The following CAPN2 variants were observed in gnomAD, a reference collection of about 807,000 sequenced individuals.
CAPN2 encodes the protein calpain 2.
CAPN2 carries 92 observed loss-of-function variants against 102.3 expected under a neutral mutation model. The observed-to-expected ratio is 0.90, with a 90% CI of 0.76 to 1.07. The LOEUF (loss-of-function observed/expected upper bound fraction) is 1.07, where lower values mean the gene tolerates loss of function less well. Ranked by LOEUF, CAPN2 falls within the 50% of genes least tolerant of loss-of-function variation. CAPN2 has a pLI of 0.00. For synonymous variants in CAPN2, 340 were observed against 355.4 expected (o/e 0.96, Z 0.49); for missense variants, 800 against 909.4 (o/e 0.88, Z 1.55).
At chr1:223,734,318 C>T (rs1660399237) in intron 2 of CAPN2, among the ~76,000 whole-genome samples, 1 of 152,128 alleles carries the variant, frequency 6.6e-6, no homozygotes, top group South Asian at 2.1e-4. Flanking sequence ...TTGGGTCTTG[C>T]CTTGTCACCT....
chr1:223,724,557 A>G (rs545650897), intron 2 of CAPN2, among the ~76,000 whole-genome samples: 13 of 152,336 alleles, frequency 8.5e-5, no homozygotes, highest in Non-Finnish European at 1.5e-4. Flanking sequence ...AAATAGCCAC[A>G]TGTTCCTTGT....
intron 18 of CAPN2, chr1:223,771,577 CT>C: frequency 2.0e-6 from 1 of 488,748 alleles, no homozygotes; most frequent in East Asian, 3.5e-5. Context: ...CAAGAAAACA[CT>C]TATGTGTCAG....
At chr1:223,739,394 G>A (rs1432888932) in intron 2 of CAPN2, among the ~76,000 whole-genome samples, 3 of 152,072 alleles carry the variant, frequency 2.0e-5, no homozygotes, top group Non-Finnish European at 4.4e-5. Context: ...ATGTTGGCCA[G>A]GCTAGTCTTG....
rs28370023 is a variant in CAPN2 at position 223,718,509 on chromosome 1, T to C, written c.307+678T>C. Among the ~76,000 whole-genome samples the C allele has an allele frequency of 8.6e-3, 1,306 of 152,340 alleles. 101 individuals carry two copies. In the East Asian group the frequency reaches 0.18, roughly 21 times the overall value. ...GGTTCTCCACCTTTAGTATGAAAAT[T>C]CCCAAAGCTTCTAGGAAGTCCCAGC... On this transcript the variant is annotated intron_variant, in intron 2 of 20. Coordinates refer to ENST00000295006, the MANE Select transcript of CAPN2 (RefSeq NM_001748.5).
At chr1:223,718,938 G>A (rs11580689) in intron 2 of CAPN2, among the ~76,000 whole-genome samples, 17,790 of 152,086 alleles carry the variant, frequency 0.12, 1,564 homozygotes, top group African/African-American at 0.21. Flanking sequence ...TCCCTAAGAC[G>A]GGACCTGGAA....
Position 223,771,820 on chromosome 1 carries a change from C to T in CAPN2, c.1915C>T (p.Pro639Ser). Residue 639 changes from proline to serine, a missense_variant, in exon 19 of 21, where the codon CCC (proline) becomes TCC (serine). Pro to Ser is a moderately conservative substitution (Grantham distance 74). Coordinates refer to ENST00000295006, the MANE Select transcript of CAPN2 (RefSeq NM_001748.5). ...TCATGTAACTTCAGGTTTCAAGATG[C>T]CCTGTCAACTCCACCAAGTCATCGT... ...KALEEAGFKMPCQLHQVIVAR... is the reference protein window; with the variant it reads ...KALEEAGFKMSCQLHQVIVAR... The T allele has an allele frequency of 1.9e-6, 3 of 1,610,026 alleles. No individual in the cohort carries two copies. Among genetic ancestry groups the T allele is most frequent in the South Asian group, 1.1e-5 (1 of 90,998 alleles).
chr1:223,736,992 T>C (rs925928074), intron 2 of CAPN2, among the ~76,000 whole-genome samples: 1 of 152,024 alleles, frequency 6.6e-6, no homozygotes, highest in African/African-American at 2.4e-5. Flanking sequence ...TGAGCTGTGA[T>C]TGCACCACTG....
chr1:223,755,113 A>C lies in CAPN2; in HGVS notation c.1136-367A>C, dbSNP rs1206871601. Among the ~76,000 whole-genome samples the C allele has an allele frequency of 2.6e-5, 4 of 152,092 alleles. No individual in the cohort carries two copies. The highest frequency in any genetic ancestry group is 5.9e-5 in the Non-Finnish European group (4 of 68,006). The stretch of plus-strand genomic sequence containing the variant: ...TCCAGCCTAACAAAGCCTGCAGTCC[A>C]CACTCCAACCCTGGTGTCTCCCACC... On this transcript the variant is annotated intron_variant, in intron 9 of 20. Transcript: ENST00000295006. The surrounding 1 kb of genome is among the most constrained non-coding windows in gnomAD (Gnocchi z 4.1).
At position 223,731,296 on chromosome 1, in the gene CAPN2, A is replaced by C. The variant is rs1392447046; in HGVS notation, c.308-12804A>C. Among the ~76,000 whole-genome samples, 3 of 152,254 alleles carry C rather than the reference A, an allele frequency of 2.0e-5. No homozygotes were observed. The highest frequency in any genetic ancestry group is 6.5e-5 in the Admixed American group (1 of 15,292). The stretch of plus-strand genomic sequence containing the variant: ...CCTTAGGAGCCAGTTCAGATTCCTA[A>C]GCTGGCCCGGACATCCAACCCAATC... On this transcript the variant is annotated intron_variant, in intron 2 of 20. Transcript: ENST00000295006. The surrounding 1 kb of genome is among the most constrained non-coding windows in gnomAD (Gnocchi z 4.2).
intron 7 of CAPN2, 66 bp downstream of exon 7, chr1:223,751,041 G>A: frequency 1.6e-6 from 2 of 1,282,156 alleles, no homozygotes; most frequent in Non-Finnish European, 2.2e-6. Context: ...TCTGGGAAGA[G>A]GGCGAGAGAA....
chr1:223,713,303 A>T (rs537519851), intron 1 of CAPN2, among the ~76,000 whole-genome samples: 2 of 152,152 alleles, frequency 1.3e-5, no homozygotes, highest in Admixed American at 1.3e-4. Flanking sequence ...TCCGTCTCCA[A>T]CTGGGGTTCT....
rs963170270 is a variant in CAPN2, at chr1:223,775,544, C to G, written c.*687C>G. Reference sequence around the variant, plus strand: ...TGGTCTTACAAAGACCAAAGGGATCCTGCGCTTGATCAACTGAACCAGTAT... The same window carrying G: ...TGGTCTTACAAAGACCAAAGGGATCGTGCGCTTGATCAACTGAACCAGTAT... On this transcript the variant is annotated 3_prime_UTR_variant, in exon 21 of 21. Coordinates refer to ENST00000295006, the MANE Select transcript of CAPN2 (RefSeq NM_001748.5). 2.0e-5 allele frequency: 3 copies of G among 152,480 alleles called. No homozygotes were observed. The highest frequency in any genetic ancestry group is 4.4e-5 in the Non-Finnish European group (3 of 68,038). The allele number at this position is 152,480 out of a possible 1,614,324, so 9.4% of individuals were successfully genotyped here.
At chr1:223,746,324 A>G (rs539734927) in intron 4 of CAPN2, among the ~76,000 whole-genome samples, 74 of 152,032 alleles carry the variant, frequency 4.9e-4, no homozygotes, top group Non-Finnish European at 9.1e-4. Flanking sequence ...AACTGCTTCC[A>G]TTATTGAATG....
At chr1:223,769,414 C>G (rs972096272) in intron 16 of CAPN2, among the ~76,000 whole-genome samples, 7 of 152,146 alleles carry the variant, frequency 4.6e-5, no homozygotes, top group African/African-American at 1.4e-4. Flanking sequence ...AGCCACCATG[C>G]CTGGCCACTT....
In CAPN2 at chr1:223,766,916, C is replaced by T. The variant is rs565732149; in HGVS notation, c.1755+485C>T. ...CGGAGGTTGCAGTGAGCTGAGATCG[C>T]GCCACTGCACTCCAGCCTGGGTGAC... On this transcript the variant is annotated intron_variant, in intron 16 of 20. Coordinates refer to ENST00000295006, the MANE Select transcript of CAPN2 (RefSeq NM_001748.5). 2.2e-4 allele frequency among the ~76,000 whole-genome samples: 33 copies of T among 151,220 alleles called. 1 individual carries two copies. The East Asian group carries it at 3.5e-3, about 16-fold the overall frequency.
At chr1:223,748,957 C>A (rs548915203) in intron 5 of CAPN2, 82 bp from the exon 6 acceptor site, 81 of 1,327,604 alleles carry the variant, frequency 6.1e-5, no homozygotes, top group Non-Finnish European at 8.7e-5. Context: ...CGGTCCCGCC[C>A]GGCAGTAGGA....
chr1:223,758,589 T>G (rs1661097617), intron 11 of CAPN2: 1 of 152,638 alleles, frequency 6.6e-6, no homozygotes, highest in African/African-American at 2.4e-5. Flanking sequence ...GTGGAAAGAC[T>G]GGGCATCTCT....
At chr1:223,728,570 G>A (rs1051938505) in intron 2 of CAPN2, among the ~76,000 whole-genome samples, 1 of 152,188 alleles carries the variant, frequency 6.6e-6, no homozygotes, top group Non-Finnish European at 1.5e-5. Flanking sequence ...GATGGAGAGT[G>A]GCAGGGTTCT....
At chr1:223,750,198 A>G (rs557022330) in intron 6 of CAPN2, among the ~76,000 whole-genome samples, 1 of 152,124 alleles carries the variant, frequency 6.6e-6, no homozygotes, top group Non-Finnish European at 1.5e-5. Context: ...CATAATAACT[A>G]TCCAATTGCC....
Sources: allele counts gnomAD v4.1 joint callset (sites outside exome capture counted in the v4.1 genomes callset), GRCh38; gene constraint gnomAD v4.1.1; non-coding constraint Gnocchi (gnomAD v3.1); transcripts MANE v1.5; gene names NCBI Gene and HGNC (gene_info 2026-07-23, HGNC 2026-07-21).